FGF18: variants seen among roughly 807,000 people sequenced by gnomAD.
The protein encoded by FGF18 is fibroblast growth factor 18.
A neutral mutation model predicts 23.0 loss-of-function variants in FGF18; 5 were observed. The ratio of observed to expected loss-of-function variants is 0.22; its 90% CI spans 0.11 to 0.46. The LOEUF is 0.46. Ranked by LOEUF, FGF18 falls within the 20% of genes least tolerant of loss-of-function variation. FGF18 has a pLI of 0.99. For synonymous variants in FGF18, 117 were observed against 118.9 expected (o/e 0.98, Z 0.10); for missense variants, 180 against 291.6 (o/e 0.62, Z 2.79).
chr5:171,455,633 C>T (rs1772570214), intron 4 of FGF18, among the ~76,000 whole-genome samples: 1 of 152,236 alleles, frequency 6.6e-6, no homozygotes, highest in Non-Finnish European at 1.5e-5. Context: ...GCTTCACTGT[C>T]AGACAGGATC....
In FGF18 at chr5:171,420,415, A is replaced by G; in HGVS notation, c.41A>G (p.His14Arg). 6.2e-7 allele frequency: 1 copy of G among 1,613,504 alleles called. No individual in the cohort carries two copies. Among genetic ancestry groups the G allele is most frequent in the Admixed American group, 1.7e-5 (1 of 59,964 alleles). ...APSACTCLCL[H>R]FLLLCFQVQV... ...CCATCTGTTTCCCGCAGGTGTTTACACTTCCTGCTGCTGTGCTTCCAGGTA... is the reference window on the plus strand; with the variant it reads ...CCATCTGTTTCCCGCAGGTGTTTACGCTTCCTGCTGCTGTGCTTCCAGGTA... The change falls in exon 2 of 5, where the codon CAC (histidine) becomes CGC (arginine). Residue 14 changes from histidine (H) to arginine (R), a missense_variant. Physicochemically the swap from His to Arg is conservative, Grantham distance 29. Transcript: ENST00000274625.
intron 2 of FGF18, among the ~76,000 whole-genome samples, chr5:171,426,258 A>G (rs1234074292): frequency 2.6e-5 from 4 of 151,930 alleles, no homozygotes; most frequent in African/African-American, 7.2e-5. Context: ...GCCCGCCCCC[A>G]TCAGATATAG....
intron 2 of FGF18, among the ~76,000 whole-genome samples, chr5:171,435,297 G>A (rs1195087676): frequency 1.3e-5 from 2 of 152,212 alleles, no homozygotes; most frequent in African/African-American, 2.4e-5. Flanking sequence ...ACCAGGGGGC[G>A]AGAGTGGAAG....
At chr5:171,421,190 C>T (rs939764283) in intron 2 of FGF18, among the ~76,000 whole-genome samples, 1 of 151,918 alleles carries the variant, frequency 6.6e-6, no homozygotes, top group Admixed American at 6.6e-5. Context: ...GGTCTTGGCA[C>T]GCAGACAGTT....
At chr5:171,435,337 T>C (rs73803344) in intron 2 of FGF18, among the ~76,000 whole-genome samples, 4,015 of 152,232 alleles carry the variant, frequency 0.026, 179 homozygotes, top group African/African-American at 0.091. Context: ...CAGGTGCAAG[T>C]TGTCCCAATG....
chr5:171,454,752 G>C (rs1310694035), intron 4 of FGF18, among the ~76,000 whole-genome samples: 1 of 152,244 alleles, frequency 6.6e-6, no homozygotes, highest in African/African-American at 2.4e-5. Flanking sequence ...TGGGCTTCCA[G>C]CTTGGCTGGG....
chr5:171,422,983 C>T (rs907457619), intron 2 of FGF18, among the ~76,000 whole-genome samples: 52 of 152,328 alleles, frequency 3.4e-4, no homozygotes, highest in African/African-American at 1.1e-3. Context: ...CCCAGGAAGG[C>T]ACATTGTGGC....
intron 2 of FGF18, among the ~76,000 whole-genome samples, chr5:171,424,865 G>A (rs1363525006): frequency 6.6e-6 from 1 of 151,902 alleles, no homozygotes; most frequent in South Asian, 2.1e-4. Flanking sequence ...GGGAGGGGGA[G>A]GGGAGGGGGC....
At position 171,436,038 on chromosome 5, in the gene FGF18, A is replaced by G; in HGVS notation, c.70-55A>G. 1 of 1,387,758 alleles carries G rather than the reference A, an allele frequency of 7.2e-7. No individual in the cohort carries two copies. The highest frequency in any genetic ancestry group is 9.5e-7 in the Non-Finnish European group (1 of 1,054,682). 86.0% of individuals were successfully genotyped at this position (1,387,758 alleles called of 1,614,324 possible). A position where few individuals can be genotyped will look rare whatever the true frequency, so the allele number is the denominator to read the frequency against. On this transcript the variant is annotated intron_variant, in intron 2 of 4. Transcript: ENST00000274625. This position sits in a 1 kb window ranked among gnomAD's most constrained non-coding sequence, Gnocchi z 4.4. ...TGTGGTGGACGTGGCTGGCTCCTGC[A>G]TGCAGTGGGCCTGGGACATCTGGGG...
At chr5:171,437,633 C>G (rs1231703217) in intron 3 of FGF18, among the ~76,000 whole-genome samples, 1 of 152,216 alleles carries the variant, frequency 6.6e-6, no homozygotes, top group East Asian at 1.9e-4. Flanking sequence ...CTCTCCCAGG[C>G]CCTCTGCTGG....
At chr5:171,443,205 T>C (rs1384972103) in intron 3 of FGF18, among the ~76,000 whole-genome samples, 4 of 152,058 alleles carry the variant, frequency 2.6e-5, no homozygotes, top group Non-Finnish European at 4.4e-5. Flanking sequence ...TCTCGGCTCA[T>C]TGCAACCTCT....
Position 171,456,568 on chromosome 5 carries a change from C to A in FGF18, c.387C>A (p.Phe129Leu). The change falls in exon 5 of 5, where the codon TTC becomes TTA. Residue 129 changes from phenylalanine to leucine, a missense_variant. Physicochemically the swap from Phe to Leu is conservative, Grantham distance 22. Transcript: ENST00000274625. This position sits in a 1 kb window ranked among gnomAD's most constrained non-coding sequence, Gnocchi z 6.1. The stretch of plus-strand genomic sequence containing the variant: ...ATGGCACCAGCAAGGAGTGTGTGTT[C>A]ATCGAGAAGGTTCTGGAGAACAACT... The part of the protein sequence containing the change: ...KPDGTSKECV[F>L]IEKVLENNYT... 6.2e-7 allele frequency: 1 copy of A among 1,614,012 alleles called. No individual in the cohort carries two copies. The highest frequency in any genetic ancestry group is 1.1e-5 in the South Asian group (1 of 91,076).
chr5:171,431,762 T>C (rs1178714972), intron 2 of FGF18, among the ~76,000 whole-genome samples: 1 of 152,090 alleles, frequency 6.6e-6, no homozygotes, highest in Non-Finnish European at 1.5e-5. Flanking sequence ...TTCTCTCCTT[T>C]CGAGAGTTGC....
rs554796050 is a variant in FGF18, at chr5:171,425,713, G to A, written c.69+5270G>A. On this transcript the variant is annotated intron_variant, in intron 2 of 4. Coordinates refer to ENST00000274625, the MANE Select transcript of FGF18 (RefSeq NM_003862.3). ...GCCCGGCTAATTTTTTGTATTTTTA[G>A]TAGAGATGGGGTTTCACTGTGTTTG... Among the ~76,000 whole-genome samples the A allele has an allele frequency of 5.3e-5, 8 of 151,570 alleles. No individual in the cohort carries two copies. The East Asian group carries it at 1.4e-3, about 26-fold the overall frequency.
intron 2 of FGF18, among the ~76,000 whole-genome samples, chr5:171,430,809 A>G (rs951393171): frequency 5.6e-5 from 8 of 144,110 alleles, no homozygotes; most frequent in East Asian, 2.1e-4. Context: ...AAAAAAAAAA[A>G]AAAAAAAGAA....
At chr5:171,427,280 G>A (rs1251269698) in intron 2 of FGF18, among the ~76,000 whole-genome samples, 2 of 152,102 alleles carry the variant, frequency 1.3e-5, no homozygotes, top group Non-Finnish European at 2.9e-5. Flanking sequence ...TGCACACAGA[G>A]TAGCTAGCAC....
chr5:171,422,323 C>T (rs529234475), intron 2 of FGF18, among the ~76,000 whole-genome samples: 28 of 152,232 alleles, frequency 1.8e-4, no homozygotes, highest in African/African-American at 5.3e-4. Flanking sequence ...GAGGGATCCT[C>T]CTCTCCCCAC....
Position 171,430,125 on chromosome 5 carries a change from G to A in FGF18, c.70-5968G>A, listed in dbSNP as rs1189797732. Among the ~76,000 whole-genome samples the A allele has an allele frequency of 1.1e-4, 17 of 152,110 alleles. 1 individual carries two copies. Among genetic ancestry groups the A allele is most frequent in the African/African-American group, 3.1e-4 (13 of 41,414 alleles). On this transcript the variant is annotated intron_variant, in intron 2 of 4. Coordinates refer to ENST00000274625, the MANE Select transcript of FGF18 (RefSeq NM_003862.3). ...TGTAATCCCAGCACTTTGGGAGGCCGAGGCGGGTGGATCATGAGGTCAGGA... is the reference window on the plus strand; with the variant it reads ...TGTAATCCCAGCACTTTGGGAGGCCAAGGCGGGTGGATCATGAGGTCAGGA...
intron 2 of FGF18, among the ~76,000 whole-genome samples, chr5:171,424,272 G>A (rs1451482059): frequency 1.3e-5 from 2 of 152,226 alleles, no homozygotes; most frequent in African/African-American, 4.8e-5. Flanking sequence ...GTGAAGTGGA[G>A]TGAGGCAGGC....
Sources: allele counts gnomAD v4.1 joint callset (sites outside exome capture counted in the v4.1 genomes callset), GRCh38; gene constraint gnomAD v4.1.1; non-coding constraint Gnocchi (gnomAD v3.1); transcripts MANE v1.5; gene names NCBI Gene and HGNC (gene_info 2026-07-23, HGNC 2026-07-21).